The following SYT9 variants were observed in gnomAD, a reference collection of about 807,000 sequenced individuals.
SYT9 encodes synaptotagmin-9.
A neutral mutation model predicts 48.4 loss-of-function variants in SYT9; 22 were observed. The ratio of observed to expected loss-of-function variants is 0.45; its 90% CI spans 0.32 to 0.65. SYT9 has a LOEUF of 0.65. SYT9 is among the 30% of genes least tolerant of loss of function. The pLI is 0.03. For synonymous variants in SYT9, 265 were observed against 245.0 expected (o/e 1.08, Z -0.76); for missense variants, 577 against 622.0 (o/e 0.93, Z 0.77).
intron 4 of SYT9, 124 bp downstream of exon 4, chr11:7,416,286 C>G: frequency 8.7e-7 from 1 of 1,150,776 alleles, no homozygotes; most frequent in Non-Finnish European, 1.2e-6. Flanking sequence ...TAGCCCTAGT[C>G]CTAACACCTG....
chr11:7,266,402 C>CT (rs369164491), intron 1 of SYT9, among the ~76,000 whole-genome samples: 2 of 151,834 alleles, frequency 1.3e-5, no homozygotes, highest in African/African-American at 2.4e-5. Flanking sequence ...CAAAGTGTTT[C>CT]TTTTTTTTCT....
At position 7,357,488 on chromosome 11, in the gene SYT9, C is replaced by T. The variant is rs112628986; in HGVS notation, c.1044+43547C>T. ...CTCAAAGATGGTAATGCAGATGAAC[C>T]GATAGTAATTGGGCCCCAGCTTCTC... On this transcript the variant is annotated intron_variant, in intron 3 of 6. Transcript: ENST00000318881. Among the ~76,000 whole-genome samples the T allele has an allele frequency of 2.7e-3, 411 of 152,084 alleles. 2 individuals carry two copies. Among genetic ancestry groups the T allele is most frequent in the African/African-American group, 7.5e-3 (310 of 41,500 alleles).
In SYT9 at chr11:7,416,073, C is replaced by T. The variant is rs868432900; in HGVS notation, c.1076C>T (p.Ser359Phe). ...GTGGATCTGGGAGAGCTGATGTTTTCCCTGTGCTATCTTCCAACGGCTGGC... is the reference window on the plus strand; with the variant it reads ...GTGGATCTGGGAGAGCTGATGTTTTTCCTGTGCTATCTTCCAACGGCTGGC... ...DNVDLGELMFSLCYLPTAGRL... is the reference protein window; with the variant it reads ...DNVDLGELMFFLCYLPTAGRL... The change falls in exon 4 of 7, where the codon TCC becomes TTC. Residue 359 changes from serine (S) to phenylalanine (F), a missense_variant. Ser to Phe is a radical substitution (Grantham distance 155, BLOSUM62 -2). Transcript: ENST00000318881. 1 of 1,614,180 alleles carries T rather than the reference C, an allele frequency of 6.2e-7. No individual in the cohort carries two copies. The highest frequency in any genetic ancestry group is 8.5e-7 in the Non-Finnish European group (1 of 1,180,020).
chr11:7,420,944 G>T (rs1447851145), intron 6 of SYT9, among the ~76,000 whole-genome samples: 3 of 152,174 alleles, frequency 2.0e-5, no homozygotes, highest in East Asian at 3.9e-4. Flanking sequence ...GCAAGGTGTG[G>T]GTGAGTGGGG....
Position 7,303,300 on chromosome 11 carries a change from T to A in SYT9, c.407T>A (p.Ile136Asn). ...AAGATCAGCCACACCTCCCCTGACA[T>A]TCCCCTCTCCACCCAGACGGGGATC... ...SMKISHTSPD[I>N]PLSTQTGIQE... The change falls in exon 2 of 7, where the codon ATT (isoleucine) becomes AAT (asparagine). Residue 136 changes from isoleucine to asparagine, a missense_variant. Coordinates refer to ENST00000318881, the MANE Select transcript of SYT9 (RefSeq NM_175733.4). 6.2e-7 allele frequency: 1 copy of A among 1,613,990 alleles called. No individual in the cohort carries two copies.
intron 1 of SYT9, among the ~76,000 whole-genome samples, chr11:7,275,815 G>A (rs7104910): frequency 0.5 from 75,604 of 151,850 alleles, 19,642 homozygotes; most frequent in Non-Finnish European, 0.57. Context: ...CACAGGCCCC[G>A]CGTGGCTCAC....
At chr11:7,276,684 A>C (rs2220369) in intron 1 of SYT9, among the ~76,000 whole-genome samples, 1 of 152,084 alleles carries the variant, frequency 6.6e-6, no homozygotes, top group African/African-American at 2.4e-5. Flanking sequence ...TCTTTTAAGC[A>C]TCAGTTTTGG....
At chr11:7,262,094 A>C (rs901366933) in intron 1 of SYT9, among the ~76,000 whole-genome samples, 1 of 152,118 alleles carries the variant, frequency 6.6e-6, no homozygotes, top group African/African-American at 2.4e-5. Flanking sequence ...CTTGGACCAG[A>C]GTGATAGCAG....
chr11:7,413,276 C>T (rs1475816290), intron 3 of SYT9, among the ~76,000 whole-genome samples: 3 of 152,214 alleles, frequency 2.0e-5, no homozygotes, highest in African/African-American at 7.2e-5. Context: ...GCCTCATCTC[C>T]TCCCTGGCCT....
intron 3 of SYT9, among the ~76,000 whole-genome samples, chr11:7,339,351 A>T (rs980441883): frequency 6.6e-6 from 1 of 152,132 alleles, no homozygotes; most frequent in African/African-American, 2.4e-5. Context: ...ATCCATTTAC[A>T]TTCAAGGTTA....
chr11:7,356,806 A>G (rs1347851942), intron 3 of SYT9, among the ~76,000 whole-genome samples: 2 of 152,216 alleles, frequency 1.3e-5, no homozygotes, highest in Non-Finnish European at 2.9e-5. Flanking sequence ...AACATTAAAC[A>G]TGCAAATTTA....
At chr11:7,328,207 T>C (rs1031230126) in intron 3 of SYT9, among the ~76,000 whole-genome samples, 1 of 152,022 alleles carries the variant, frequency 6.6e-6, no homozygotes, top group Non-Finnish European at 1.5e-5. Context: ...AAGCAAAGTA[T>C]AGCTGGATTT....
At chr11:7,399,552 A>G (rs1462011008) in intron 3 of SYT9, among the ~76,000 whole-genome samples, 1 of 152,256 alleles carries the variant, frequency 6.6e-6, no homozygotes, top group Non-Finnish European at 1.5e-5. Flanking sequence ...TATGCTGACC[A>G]TGAGGCAGCA....
At chr11:7,426,146 C>T (rs1292968066) in intron 6 of SYT9, among the ~76,000 whole-genome samples, 1 of 152,104 alleles carries the variant, frequency 6.6e-6, no homozygotes, top group East Asian at 1.9e-4. Flanking sequence ...TCTCTCCTTC[C>T]TTCCTCCCTC....
chr11:7,309,508 A>T (rs1776426780), intron 2 of SYT9, among the ~76,000 whole-genome samples: 1 of 151,902 alleles, frequency 6.6e-6, no homozygotes, highest in Admixed American at 6.6e-5. Context: ...GAAATTCTAG[A>T]CCCTTGCCCT....
intron 5 of SYT9, among the ~76,000 whole-genome samples, chr11:7,419,462 AAAG>A (rs1218096321): frequency 4.6e-5 from 7 of 152,112 alleles, no homozygotes; most frequent in Non-Finnish European, 8.8e-5. Context: ...GGGAAAAAAA[AAAG>A]AGAAAGTATG....
chr11:7,276,667 T>G (rs1312966857), intron 1 of SYT9, among the ~76,000 whole-genome samples: 6 of 152,148 alleles, frequency 3.9e-5, no homozygotes. Flanking sequence ...GGATTCTCCC[T>G]CATCATTCTT....
In SYT9 at chr11:7,417,963, A is replaced by G. The variant is rs747412875; in HGVS notation, c.1172A>G (p.Tyr391Cys). The change falls in exon 5 of 7, where the codon TAT becomes TGT. Residue 391 changes from tyrosine to cysteine, a missense_variant. Tyr to Cys is a radical substitution (Grantham distance 194). Coordinates refer to ENST00000318881, the MANE Select transcript of SYT9 (RefSeq NM_175733.4). Reference protein sequence around the residue: ...AMDITGASDPYVKVSLMCDGR... With the variant: ...AMDITGASDPCVKVSLMCDGR... ...CTTCTCATGGTCTGTCCAGATCCCT[A>G]TGTGAAAGTCTCGCTGATGTGTGAT... The G allele has an allele frequency of 1.2e-6, 2 of 1,613,666 alleles. No homozygotes were observed. The highest frequency in any genetic ancestry group is 1.1e-5 in the South Asian group (1 of 90,996).
chr11:7,440,373 G>C (rs1236465456), intron 6 of SYT9: 8 of 152,156 alleles, frequency 5.3e-5, no homozygotes, highest in Admixed American at 5.2e-4. Flanking sequence ...GAGGACCCCC[G>C]CTCACTTAAG....
Sources: gnomAD v4.1 joint callset for allele counts (sites outside exome capture counted in the v4.1 genomes callset) on GRCh38, gnomAD v4.1.1 for gene constraint, MANE v1.5 for transcripts, NCBI Gene and HGNC (gene_info 2026-07-23, HGNC 2026-07-21) for gene names.